NAV3: variants seen among roughly 807,000 people sequenced by gnomAD.
The protein encoded by NAV3 is pore membrane and/or filament interacting like protein 1.
Under a neutral mutation model 244.7 loss-of-function variants are expected in NAV3, and 87 were observed. That is an observed-to-expected ratio of 0.36 (90% CI 0.30 to 0.42). The LOEUF (loss-of-function observed/expected upper bound fraction) is 0.42, where lower values mean the gene tolerates loss of function less well. Among genes scored for constraint, NAV3 ranks in the 20% least tolerant of loss-of-function variants. NAV3 has a pLI of 1.00. For missense variants in NAV3, 2,663 were observed against 2,893.3 expected (o/e 0.92, Z 1.83); for synonymous variants, 1,126 against 1,042.2 (o/e 1.08, Z -1.55).
intron 1 of NAV3, among the ~76,000 whole-genome samples, chr12:77,860,071 G>T (rs1229117383): frequency 6.6e-6 from 1 of 151,744 alleles, no homozygotes; most frequent in Non-Finnish European, 1.5e-5. Flanking sequence ...TTATTAAGTG[G>T]AAAAAGCAAA....
In NAV3 at chr12:77,823,859, A is replaced by G. The variant is rs143483924; in HGVS notation, c.73-116460A>G. Among the ~76,000 whole-genome samples the G allele has an allele frequency of 1.7e-3, 266 of 152,340 alleles. 2 individuals carry two copies. The highest frequency in any genetic ancestry group is 6.1e-3 in the African/African-American group (255 of 41,588). ...TGTTGTTAAAACAACTATTATAAATATGCTCCATATGTTCAAGAAGGTAGA... is the reference window on the plus strand; with the variant it reads ...TGTTGTTAAAACAACTATTATAAATGTGCTCCATATGTTCAAGAAGGTAGA... On this transcript the variant is annotated intron_variant, in intron 2 of 8. Coordinates refer to the NAV3 transcript ENST00000550042.
chr12:77,956,274 A>T lies in NAV3; in HGVS notation c.415-9955A>T, dbSNP rs545913913. Among the ~76,000 whole-genome samples the T allele has an allele frequency of 2.6e-4, 40 of 152,294 alleles. No homozygotes were observed. The South Asian group carries it at 4.1e-3, about 16-fold the overall frequency. ...ATTTATGTAATGGCGCTAGTATTAC[A>T]TGTTTAATGTGAAAAATGAGAAGTA... On this transcript the variant is annotated intron_variant, in intron 3 of 39. Coordinates refer to ENST00000397909, the MANE Select transcript of NAV3 (RefSeq NM_001024383.2).
At chr12:77,598,229 A>G (rs76978241) in intron 2 of NAV3, among the ~76,000 whole-genome samples, 25,257 of 152,124 alleles carry the variant, frequency 0.17, 2,593 homozygotes, top group Admixed American at 0.23. Flanking sequence ...ATGAGAAAGT[A>G]TCCGTATTTA....
At chr12:78,175,149 C>T (rs1449142315) in intron 24 of NAV3, among the ~76,000 whole-genome samples, 157 bp from the exon 25 acceptor site, 1 of 151,842 alleles carries the variant, frequency 6.6e-6, no homozygotes, top group African/African-American at 2.4e-5. Context: ...TATGGTTGTA[C>T]TTTATTAAAC....
intron 16 of NAV3, 53 bp downstream of exon 16, chr12:78,122,481 G>T (rs1955717799): frequency 6.6e-7 from 1 of 1,507,318 alleles, no homozygotes; most frequent in Admixed American, 2.2e-5. Flanking sequence ...CCTGCACTAT[G>T]CCTAACCCCC....
chr12:78,076,129 C>G (rs1953037366), intron 12 of NAV3, among the ~76,000 whole-genome samples: 2 of 152,214 alleles, frequency 1.3e-5, no homozygotes, highest in Admixed American at 6.5e-5. Flanking sequence ...TACCTTATCT[C>G]TTGGTTTGCC....
At chr12:78,043,649 T>C (rs1211532966) in intron 9 of NAV3, among the ~76,000 whole-genome samples, 3 of 152,238 alleles carry the variant, frequency 2.0e-5, no homozygotes, top group Non-Finnish European at 4.4e-5. Context: ...TGGTATCTCA[T>C]TGTGGTTTTG....
chr12:77,681,755 C>T (rs899557266), intron 2 of NAV3, among the ~76,000 whole-genome samples: 18 of 152,106 alleles, frequency 1.2e-4, no homozygotes, highest in Non-Finnish European at 2.6e-4. Flanking sequence ...ACTCATGTAA[C>T]TAACATCAAC....
intron 33 of NAV3, among the ~76,000 whole-genome samples, chr12:78,189,351 A>G (rs1593976612): frequency 6.6e-6 from 1 of 151,772 alleles, no homozygotes; most frequent in Non-Finnish European, 1.5e-5. Flanking sequence ...GTGAGTTAAT[A>G]GAGGAATTTG....
chr12:77,596,527 C>T (rs1259781462), intron 2 of NAV3, among the ~76,000 whole-genome samples: 4 of 152,088 alleles, frequency 2.6e-5, no homozygotes, highest in Admixed American at 2.0e-4. Flanking sequence ...TTGATAATCA[C>T]ATGTTGAAAT....
intron 3 of NAV3, among the ~76,000 whole-genome samples, chr12:77,949,495 TCTC>T (rs901633090): frequency 5.3e-5 from 8 of 151,886 alleles, no homozygotes; most frequent in African/African-American, 1.9e-4. Flanking sequence ...TTTTTTTCCT[TCTC>T]CTCCTCCTCC....
At chr12:78,048,886 G>A (rs1347419702) in intron 9 of NAV3, among the ~76,000 whole-genome samples, 3 of 152,328 alleles carry the variant, frequency 2.0e-5, no homozygotes, top group African/African-American at 7.2e-5. Flanking sequence ...CCTGACTGGG[G>A]CTGCTACCTT....
At position 77,825,126 on chromosome 12, in the gene NAV3, C is replaced by A. The variant is rs1399191529; in HGVS notation, c.73-115193C>A. Among the ~76,000 whole-genome samples, 5 of 152,110 alleles carry A rather than the reference C, an allele frequency of 3.3e-5. No homozygotes were observed. The East Asian group carries it at 7.7e-4, about 23-fold the overall frequency. ...AGAATTTTGTACCCAGAAAATAATTCTTTCAAAAACGGAGGCAAAGCAAAC... is the reference window on the plus strand; with the variant it reads ...AGAATTTTGTACCCAGAAAATAATTATTTCAAAAACGGAGGCAAAGCAAAC... On this transcript the variant is annotated intron_variant, in intron 2 of 8. Coordinates refer to the NAV3 transcript ENST00000550042.
At chr12:77,994,973 G>C in intron 6 of NAV3, 102 bp downstream of exon 6, 2 of 756,188 alleles carry the variant, frequency 2.6e-6, no homozygotes, top group Non-Finnish European at 4.2e-6. Flanking sequence ...ACTTCTGAAT[G>C]AGAAGTTTAG....
chr12:78,073,374 G>A (rs904409501), intron 12 of NAV3, among the ~76,000 whole-genome samples: 55 of 149,196 alleles, frequency 3.7e-4, no homozygotes, highest in Middle Eastern at 3.4e-3. Flanking sequence ...AAAATCACAA[G>A]CATTCTTATA....
intron 1 of NAV3, 77 bp downstream of exon 1, chr12:77,831,781 A>C (rs2136082705): frequency 6.8e-7 from 1 of 1,468,996 alleles, no homozygotes; most frequent in South Asian, 1.4e-5. Context: ...AAAACATGTT[A>C]TGAAATGGGG....
intron 12 of NAV3, among the ~76,000 whole-genome samples, chr12:78,065,513 A>G (rs145633592): frequency 2.2e-4 from 33 of 152,308 alleles, no homozygotes; most frequent in African/African-American, 7.7e-4. Context: ...CAGAGAAATC[A>G]GCTTTAACAC....
chr12:77,921,698 G>A (rs1887724124), intron 1 of NAV3, among the ~76,000 whole-genome samples: 1 of 152,040 alleles, frequency 6.6e-6, no homozygotes, highest in South Asian at 2.1e-4. Flanking sequence ...ATTTTTATGA[G>A]GATACAAGGC....
rs575977682 is a variant in NAV3 at position 77,747,814 on chromosome 12, A to T, written c.72+175548A>T. 9.2e-5 allele frequency among the ~76,000 whole-genome samples: 14 copies of T among 152,140 alleles called. No homozygotes were observed. The South Asian group carries it at 2.1e-3, about 23-fold the overall frequency. ...AACCAAACACTGCATGTTCTCACTC[A>T]TAGGTGGGAATTGAACAATGAGAAC... On this transcript the variant is annotated intron_variant, in intron 2 of 8. Transcript: ENST00000550042.
Sources: gnomAD v4.1 joint callset for allele counts (sites outside exome capture counted in the v4.1 genomes callset) on GRCh38, gnomAD v4.1.1 for gene constraint, MANE v1.5 for transcripts, NCBI Gene and HGNC (gene_info 2026-07-23, HGNC 2026-07-21) for gene names.